The following NRXN1 variants were observed in gnomAD, a reference collection of about 807,000 sequenced individuals.
NRXN1 encodes neurexin-1.
Under a neutral mutation model 150.9 loss-of-function variants are expected in NRXN1, and 39 were observed. That is an observed-to-expected ratio of 0.26 (90% CI 0.20 to 0.34). The LOEUF is 0.34. NRXN1 is among the 10% of genes least tolerant of loss of function. The probability of loss-of-function intolerance (pLI) is 1.00; values close to 1 mark genes in which losing one functional copy is unlikely to be tolerated. For synonymous variants in NRXN1, 924 were observed against 757.0 expected (o/e 1.22, Z -3.62); for missense variants, 1,815 against 1,949.9 (o/e 0.93, Z 1.30).
intron 2 of NRXN1, among the ~76,000 whole-genome samples, chr2:50,951,222 G>A (rs1203816615): frequency 1.3e-5 from 2 of 152,172 alleles, no homozygotes; most frequent in Non-Finnish European, 2.9e-5. Context: ...GAGAGGAGAT[G>A]AGATGAGAGG....
intron 17 of NRXN1, among the ~76,000 whole-genome samples, chr2:50,271,914 T>C (rs2069720684): frequency 1.3e-5 from 2 of 152,162 alleles, no homozygotes; most frequent in African/African-American, 4.8e-5. Flanking sequence ...CACTGAAACT[T>C]GGACCTAGGT....
intron 5 of NRXN1, among the ~76,000 whole-genome samples, chr2:50,760,967 T>A (rs1260948354): frequency 2.0e-5 from 3 of 151,914 alleles, no homozygotes; most frequent in African/African-American, 7.2e-5. Flanking sequence ...ACAGTCTTGT[T>A]CTCTTTAACC....
At chr2:50,025,323 G>C (rs889051425) in intron 21 of NRXN1, among the ~76,000 whole-genome samples, 39 of 152,168 alleles carry the variant, frequency 2.6e-4, no homozygotes, top group African/African-American at 9.4e-4. Context: ...AAGATTTGGG[G>C]AACAGTAGCA....
chr2:50,945,899 T>TATATATATATATATAC (rs371095334), intron 2 of NRXN1, among the ~76,000 whole-genome samples: 1 of 103,030 alleles, frequency 9.7e-6, no homozygotes, highest in African/African-American at 3.8e-5. Context: ...TATATATATA[T>TATATATATATATATAC]ACACACACAC....
chr2:51,012,093 G>T (rs190291626), intron 2 of NRXN1, among the ~76,000 whole-genome samples: 1 of 151,926 alleles, frequency 6.6e-6, no homozygotes, highest in Admixed American at 6.6e-5. Context: ...AAAATGTGAC[G>T]CTTTCCAACT....
intron 7 of NRXN1, 98 bp downstream of exon 7, chr2:50,621,128 A>T: frequency 9.5e-7 from 1 of 1,056,122 alleles, no homozygotes; most frequent in Non-Finnish European, 1.4e-6. Flanking sequence ...CTCTTTTGTT[A>T]ATGATGTCTA....
chr2:50,387,066 T>C (rs961761637), intron 17 of NRXN1, among the ~76,000 whole-genome samples: 6 of 152,186 alleles, frequency 3.9e-5, no homozygotes, highest in African/African-American at 1.2e-4. Flanking sequence ...ACCTCAAGTT[T>C]CAAATCTGAT....
chr2:50,659,822 A>C (rs566240502), intron 5 of NRXN1, among the ~76,000 whole-genome samples: 4 of 151,796 alleles, frequency 2.6e-5, no homozygotes, highest in Non-Finnish European at 5.9e-5. Context: ...ATTTCACAAT[A>C]AATTATAACT....
chr2:50,444,075 AC>A (rs1365641177), intron 17 of NRXN1, among the ~76,000 whole-genome samples: 1 of 152,118 alleles, frequency 6.6e-6, no homozygotes, highest in Non-Finnish European at 1.5e-5. Context: ...TTCCTCCTTC[AC>A]TGCTTTTGTG....
In NRXN1 at chr2:51,001,237, G is replaced by C. The variant is rs36096736; in HGVS notation, c.772+26265C>G. On this transcript the variant is annotated intron_variant, in intron 2 of 22. Transcript: ENST00000401669. ...TACAATGGTAGATTCATGGGGTTGG[G>C]GGGGGGGGGCGTTTGTCAGGGGAGG... is the stretch of plus-strand genomic sequence containing the variant. 9.0e-3 allele frequency among the ~76,000 whole-genome samples: 1,007 copies of C among 112,148 alleles called. 22 individuals are homozygous for C. The highest frequency in any genetic ancestry group is 0.012 in the African/African-American group (352 of 28,286). 73.6% of individuals were successfully genotyped at this position (112,148 alleles called of 152,430 possible).
chr2:50,873,170 T>C (rs1445046300), intron 5 of NRXN1, among the ~76,000 whole-genome samples: 2 of 151,858 alleles, frequency 1.3e-5, no homozygotes, highest in East Asian at 3.9e-4. Context: ...GAAGTAACCA[T>C]AATATCTAGC....
chr2:50,739,116 G>A (rs1416929651), intron 5 of NRXN1: 1 of 244,340 alleles, frequency 4.1e-6, no homozygotes, highest in Non-Finnish European at 8.6e-6. Context: ...CAGAGACAAT[G>A]TTGATAATTT....
intron 21 of NRXN1, among the ~76,000 whole-genome samples, chr2:49,998,545 G>C (rs1031438020): frequency 2.6e-5 from 4 of 151,846 alleles, no homozygotes; most frequent in African/African-American, 9.7e-5. Context: ...ATGTGAATTG[G>C]AGCATACTTC....
intron 5 of NRXN1, among the ~76,000 whole-genome samples, chr2:50,790,552 G>A (rs546666930): frequency 6.6e-6 from 1 of 152,108 alleles, no homozygotes; most frequent in Middle Eastern, 3.2e-3. Context: ...ACCTGGGAGA[G>A]AGAGGTTGCA....
chr2:50,911,803 G>T (rs560204844), intron 5 of NRXN1, among the ~76,000 whole-genome samples: 67 of 151,790 alleles, frequency 4.4e-4, no homozygotes, highest in Non-Finnish European at 8.4e-4. Flanking sequence ...TTTTTGTTTT[G>T]TCTTTTTGTA....
chr2:50,936,930 G>C (rs1688643692), intron 2 of NRXN1, among the ~76,000 whole-genome samples: 1 of 152,036 alleles, frequency 6.6e-6, no homozygotes, highest in South Asian at 2.1e-4. Flanking sequence ...CGAATCATTG[G>C]AGAATCTAGG....
At chr2:50,461,950 G>T (rs1178445589) in intron 17 of NRXN1, among the ~76,000 whole-genome samples, 1 of 151,946 alleles carries the variant, frequency 6.6e-6, no homozygotes, top group Non-Finnish European at 1.5e-5. Flanking sequence ...TGTTCAGAAA[G>T]CTGTAAGTAA....
intron 17 of NRXN1, among the ~76,000 whole-genome samples, chr2:50,238,700 C>T (rs1379708841): frequency 1.3e-5 from 2 of 151,904 alleles, no homozygotes; most frequent in African/African-American, 4.8e-5. Context: ...GATTTTGTGG[C>T]CATTTTTGGA....
rs113739653 is a variant in NRXN1, at chr2:50,800,648, C to T, written c.832+121221G>A. ...CACTGCAACCTCCACCTCCCGGGTT[C>T]AGGCAATTCTCCTGCCTCAGCCTCC... On this transcript the variant is annotated intron_variant, in intron 5 of 22. Coordinates refer to ENST00000401669, the MANE Select transcript of NRXN1 (RefSeq NM_001330078.2). Among the ~76,000 whole-genome samples the T allele has an allele frequency of 5.9e-5, 9 of 152,312 alleles. 1 individual carries two copies. Among genetic ancestry groups the T allele is most frequent in the African/African-American group, 2.2e-4 (9 of 41,572 alleles).
Sources: allele counts gnomAD v4.1 joint callset (sites outside exome capture counted in the v4.1 genomes callset), GRCh38; gene constraint gnomAD v4.1.1; transcripts MANE v1.5; gene names NCBI Gene and HGNC (gene_info 2026-07-23, HGNC 2026-07-21).